The following CRYBG3 variants were observed in gnomAD, a reference collection of about 807,000 sequenced individuals.
CRYBG3 encodes the protein crystallin beta-gamma domain containing 3, also known as very large A-kinase anchor protein.
A neutral mutation model predicts 244.2 loss-of-function variants in CRYBG3; 127 were observed. The ratio of observed to expected loss-of-function variants is 0.52; its 90% confidence interval spans 0.45 to 0.60. CRYBG3 has a LOEUF of 0.60. Ranked by LOEUF, CRYBG3 falls within the 20% of genes least tolerant of loss-of-function variation. The probability of loss-of-function intolerance (pLI) is 0.00; values close to 1 mark genes in which losing one functional copy is unlikely to be tolerated. For synonymous variants in CRYBG3, 1,132 were observed against 1,195.8 expected, an observed-to-expected ratio of 0.95 and a Z score of 1.10; for missense variants, 3,325 against 3,442.5, an observed-to-expected ratio of 0.97 and a Z score of 0.85.
rs2040294008 is a variant in CRYBG3 at position 97,944,045 on chromosome 3, C to G, written c.*731C>G. 6.6e-6 allele frequency: 1 copy of G among 151,698 alleles called. No individual in the cohort carries two copies. The highest frequency in any genetic ancestry group is 1.5e-5 in the Non-Finnish European group (1 of 67,836). The allele number at this position is 151,698 out of a possible 1,614,324, so 9.4% of individuals were successfully genotyped here. On this transcript the variant is annotated 3_prime_UTR_variant, in exon 22 of 22. Coordinates refer to ENST00000389622, the MANE Select transcript of CRYBG3 (RefSeq NM_153605.4). ...CAAGACATCCCTTTAGGTGACAAGA[C>G]TCTATAACAGTGGTTACCTGTCTCC...
chr3:97,838,859 T>C (rs1224200710), intron 1 of CRYBG3, among the ~76,000 whole-genome samples: 1 of 152,128 alleles, frequency 6.6e-6, no homozygotes, highest in Admixed American at 6.6e-5. Flanking sequence ...CCATTGCTTA[T>C]GAAAAATATT....
At chr3:97,912,566 C>T (rs950088643) in intron 16 of CRYBG3, among the ~76,000 whole-genome samples, 8 of 152,020 alleles carry the variant, frequency 5.3e-5, no homozygotes, top group Non-Finnish European at 1.0e-4. Context: ...GTATATTTAC[C>T]GTCTCACATA....
chr3:97,873,498 C>A lies in CRYBG3; in HGVS notation c.2304C>A (p.Leu768=), dbSNP rs888237517. 3.3e-6 allele frequency: 5 copies of A among 1,535,880 alleles called. No homozygotes were observed. The highest frequency in any genetic ancestry group is 1.4e-5 in the African/African-American group (1 of 73,046). The change falls in exon 4 of 22, where the codon CTC becomes CTA. Residue 768 remains leucine (L), a synonymous_variant. Transcript: ENST00000389622. The part of the protein sequence containing the change: ...LELLSFDSGN[L]SKDCSSILSQ... ...TATTGAGCTTTGACTCTGGAAACCT[C>A]TCTAAGGATTGCAGTTCCATTTTAT...
intron 2 of CRYBG3, among the ~76,000 whole-genome samples, chr3:97,844,206 C>A (rs1423604747): frequency 2.6e-5 from 4 of 152,106 alleles, no homozygotes; most frequent in African/African-American, 7.2e-5. Context: ...ATGAAGATCA[C>A]CTTGCTTTCC....
chr3:97,895,998 G>A lies in CRYBG3; in HGVS notation c.7614G>A (p.Gln2538=), dbSNP rs747111629. 12 of 1,613,256 alleles carry A rather than the reference G, an allele frequency of 7.4e-6. No individual in the cohort carries two copies. The highest frequency in any genetic ancestry group is 9.3e-6 in the Non-Finnish European group (11 of 1,179,586). The change falls in exon 12 of 22, where the codon CAG becomes CAA. Residue 2538 remains glutamine (Q), a synonymous_variant. Coordinates refer to ENST00000389622, the MANE Select transcript of CRYBG3 (RefSeq NM_153605.4). ...AAAAAGAACATTTTAAAGGCCAGCA[G>A]TTTCTGCTTGAAGAAGGAGACTTTG... ...AYEKEHFKGQ[Q]FLLEEGDFED...
In CRYBG3 at chr3:97,877,220, AG is replaced by A. The variant is rs771192888; in HGVS notation, c.6028del (p.Glu2010ArgfsTer49). The part of the protein sequence containing the change: ...FTILYEEPLQ[E>X]EDKYASAEAR... ...ATATTATACGAAGAGCCCCTTCAAG[AG>A]GAGGACAAGTATGCTTCCGCAGAAG... On this transcript the variant is annotated frameshift_variant, in exon 4 of 22. Coordinates refer to ENST00000389622, the MANE Select transcript of CRYBG3 (RefSeq NM_153605.4). LOFTEE classifies it high-confidence loss of function. 1 of 1,613,970 alleles carries A rather than the reference AG, an allele frequency of 6.2e-7. No individual in the cohort carries two copies. The highest frequency in any genetic ancestry group is 8.5e-7 in the Non-Finnish European group (1 of 1,179,872).
chr3:97,914,238 T>C (rs2039903147), intron 16 of CRYBG3, among the ~76,000 whole-genome samples: 1 of 152,116 alleles, frequency 6.6e-6, no homozygotes. Context: ...ATAAGTTAAA[T>C]AGAGATCTGC....
At position 97,875,406 on chromosome 3, in the gene CRYBG3, C is replaced by T. The variant is rs2039358917; in HGVS notation, c.4212C>T (p.Ser1404=). The change falls in exon 4 of 22, where the codon TCC becomes TCT. Residue 1404 remains serine (S), a synonymous_variant. Transcript: ENST00000389622. ...KGGEIVLYQK[S]LFSGNGSGLS... Reference sequence around the variant, plus strand: ...GAGAAATTGTTCTCTACCAAAAATCCCTATTTTCTGGAAATGGATCTGGAC... The same window carrying T: ...GAGAAATTGTTCTCTACCAAAAATCTCTATTTTCTGGAAATGGATCTGGAC... 3 of 1,407,560 alleles carry T rather than the reference C, an allele frequency of 2.1e-6. No individual in the cohort carries two copies. In the East Asian group the frequency reaches 7.8e-5, roughly 37 times the overall value. The allele number at this position is 1,407,560 out of a possible 1,614,324, so 87.2% of individuals were successfully genotyped here. A position where few individuals can be genotyped will look rare whatever the true frequency, so the allele number is the denominator to read the frequency against.
intron 2 of CRYBG3, among the ~76,000 whole-genome samples, chr3:97,858,060 G>C (rs2039091249): frequency 6.6e-6 from 1 of 151,720 alleles, no homozygotes; most frequent in Non-Finnish European, 1.5e-5. Flanking sequence ...TTTCTTTAAA[G>C]TCTATCTAGT....
intron 17 of CRYBG3, chr3:97,933,186 C>A (rs2040117775): frequency 2.3e-6 from 1 of 432,578 alleles, no homozygotes. Flanking sequence ...ATGCAGAAAT[C>A]ACCACCATTC....
chr3:97,942,133 G>T (rs1452813731), intron 20 of CRYBG3, 151 bp from the exon 21 acceptor site: 3 of 516,436 alleles, frequency 5.8e-6, no homozygotes, highest in Middle Eastern at 5.0e-4. Flanking sequence ...ATTAAAAAAG[G>T]CTTACTGAAA....
chr3:97,864,301 C>G lies in CRYBG3; in HGVS notation c.301C>G (p.Leu101Val), dbSNP rs1249485602. The G allele has an allele frequency of 7.8e-6, 12 of 1,535,638 alleles. No individual in the cohort carries two copies. The highest frequency in any genetic ancestry group is 1.4e-5 in the African/African-American group (1 of 72,996). The change falls in exon 3 of 22, where the codon CTT (leucine) becomes GTT (valine). Residue 101 changes from leucine (L) to valine (V), a missense_variant. Leu to Val is a conservative substitution (Grantham distance 32). Transcript: ENST00000389622. ...VQEDPKKAYD[L>V]SSSTSDTKIG... The stretch of plus-strand genomic sequence containing the variant: ...GGAAGATCCCAAAAAGGCATATGAT[C>G]TTTCCAGTTCCACTTCAGATACCAA...
intron 7 of CRYBG3, among the ~76,000 whole-genome samples, chr3:97,886,408 A>G (rs1200075781): frequency 6.6e-6 from 1 of 152,204 alleles, no homozygotes; most frequent in African/African-American, 2.4e-5. Flanking sequence ...CATTGAGACA[A>G]TAATTTTTCC....
chr3:97,883,669 G>A (rs1348607805), intron 7 of CRYBG3, among the ~76,000 whole-genome samples: 1 of 151,942 alleles, frequency 6.6e-6, no homozygotes, highest in Non-Finnish European at 1.5e-5. Context: ...GTGTTAGTTC[G>A]TGTGTCTCGA....
chr3:97,921,538 T>G (rs775237820), intron 17 of CRYBG3, among the ~76,000 whole-genome samples: 5 of 152,192 alleles, frequency 3.3e-5, no homozygotes, highest in African/African-American at 4.8e-5. Context: ...TAAGAGGGGT[T>G]GTACTTTGGA....
chr3:97,926,466 A>G (rs2040041507), intron 17 of CRYBG3, among the ~76,000 whole-genome samples: 2 of 152,116 alleles, frequency 1.3e-5, no homozygotes, highest in African/African-American at 4.8e-5. Flanking sequence ...CCAGCATCAT[A>G]CTGAATGAGT....
intron 9 of CRYBG3, among the ~76,000 whole-genome samples, chr3:97,888,732 A>G (rs2039538158): frequency 2.0e-5 from 3 of 152,246 alleles, no homozygotes; most frequent in Non-Finnish European, 2.9e-5. Context: ...AGGACAAACT[A>G]AAACATTTTA....
rs1426118916 is a variant in CRYBG3 at position 97,874,398 on chromosome 3, A to G, written c.3204A>G (p.Glu1068=). 2.6e-6 allele frequency: 4 copies of G among 1,533,964 alleles called. No individual in the cohort carries two copies. The South Asian group carries it at 4.8e-5, about 18-fold the overall frequency. ...DSVSSSSSYP[E]EVSMIVNSHK... ...TGTCATCTTCCTCTAGTTACCCTGA[A>G]GAAGTTAGCATGATAGTAAATTCAC... is the stretch of plus-strand genomic sequence containing the variant. Residue 1068 remains glutamate (E), a synonymous_variant, in exon 4 of 22, where the codon GAA becomes GAG. Transcript: ENST00000389622.
At chr3:97,894,133 C>G (rs1035095053) in intron 11 of CRYBG3, among the ~76,000 whole-genome samples, 1 of 152,066 alleles carries the variant, frequency 6.6e-6, no homozygotes, top group Non-Finnish European at 1.5e-5. Context: ...CTTGATAACC[C>G]TGCTGTAAAA....
Sources: allele counts gnomAD v4.1 joint callset (sites outside exome capture counted in the v4.1 genomes callset), GRCh38; gene constraint gnomAD v4.1.1; transcripts MANE v1.5; gene names NCBI Gene and HGNC (gene_info 2026-07-23, HGNC 2026-07-21).